The following TAF1C variants were observed in gnomAD, a reference collection of about 807,000 sequenced individuals.
TAF1C encodes the protein TATA box-binding protein-associated factor RNA polymerase I subunit C.
Under a neutral mutation model 70.5 loss-of-function variants are expected in TAF1C, and 79 were observed. That is an observed-to-expected ratio of 1.12 (90% confidence interval 0.93 to 1.35). The LOEUF (loss-of-function observed/expected upper bound fraction) is 1.35, where lower values mean the gene tolerates loss of function less well. TAF1C is among the 40% of genes most tolerant of loss of function. TAF1C has a pLI of 0.00. For synonymous variants in TAF1C, 614 were observed against 491.1 expected, an observed-to-expected ratio of 1.25 and a Z score of -3.31; for missense variants, 1,412 against 1,127.8, an observed-to-expected ratio of 1.25 and a Z score of -3.61.
In TAF1C at chr16:84,182,226, C is replaced by A. The variant is rs751788738; in HGVS notation, c.697G>T (p.Ala233Ser). The A allele has an allele frequency of 1.2e-6, 2 of 1,612,232 alleles. No homozygotes were observed. Among genetic ancestry groups the A allele is most frequent in the East Asian group, 2.2e-5 (1 of 44,850 alleles). Residue 233 changes from alanine to serine, a missense_variant, in exon 7 of 15, where the codon GCT becomes TCT. Ala to Ser is a moderately conservative substitution (Grantham distance 99, BLOSUM62 1). Transcript: ENST00000566732. The surrounding 1 kb of genome is among the most constrained non-coding windows in gnomAD (Gnocchi z 5.0). ...CGCAGCCTGTCCTGGGCGCCTCCAGCAGGGTAGACCAGCTGCCCGAACTGG... is the reference window on the plus strand; with the variant it reads ...CGCAGCCTGTCCTGGGCGCCTCCAGAAGGGTAGACCAGCTGCCCGAACTGG... ...TPQFGQLVYP[A>S]GGAQDRLHFQ...
Position 84,179,308 on chromosome 16 carries a change from C to T in TAF1C, c.2165G>A (p.Arg722Lys). Residue 722 changes from arginine to lysine, a missense_variant, in exon 15 of 15, where the codon AGG (arginine) becomes AAG (lysine). Arg to Lys is a conservative substitution (Grantham distance 26). Transcript: ENST00000566732. The stretch of plus-strand genomic sequence containing the variant: ...CAGCTGGGTCCGGCGCTTGGGCCGC[C>T]TGGTCTGTCTCCCGGGCTCCGAGGT... ...GRTSEPGRQT[R>K]RPKRRTQLSS... 1.9e-6 allele frequency: 3 copies of T among 1,598,602 alleles called. No homozygotes were observed. Among genetic ancestry groups the T allele is most frequent in the Non-Finnish European group, 1.7e-6 (2 of 1,178,174 alleles).
chr16:84,180,153 C>A lies in TAF1C; in HGVS notation c.1483+17G>T. ...CCCCATCTCCCACACGCCGCCCACC[C>A]TGGCCTGGACCCTCACCTGCCAGGT... On this transcript the variant is annotated intron_variant, in intron 13 of 14. Coordinates refer to ENST00000566732, the MANE Select transcript of TAF1C (RefSeq NM_001243156.2). 1 of 1,558,358 alleles carries A rather than the reference C, an allele frequency of 6.4e-7. No homozygotes were observed. The highest frequency in any genetic ancestry group is 8.6e-7 in the Non-Finnish European group (1 of 1,159,526).
chr16:84,181,933 G>A lies in TAF1C; in HGVS notation c.838+9C>T. Reference sequence around the variant, plus strand: ...CAGTGAGGGAGGAAAGTGTATATAAGGGCCTTACTTTCTCCCTGGACGGTG... The same window carrying A: ...CAGTGAGGGAGGAAAGTGTATATAAAGGCCTTACTTTCTCCCTGGACGGTG... On this transcript the variant is annotated intron_variant, in intron 8 of 14. Coordinates refer to ENST00000566732, the MANE Select transcript of TAF1C (RefSeq NM_001243156.2). The A allele has an allele frequency of 6.2e-7, 1 of 1,614,096 alleles. No homozygotes were observed. Among genetic ancestry groups the A allele is most frequent in the African/African-American group, 1.3e-5 (1 of 75,052 alleles).
Position 84,178,368 on chromosome 16 carries a change from G to T in TAF1C, c.*573C>A, listed in dbSNP as rs907233419. The T allele has an allele frequency of 2.2e-5, 10 of 456,862 alleles. No individual in the cohort carries two copies. The highest frequency in any genetic ancestry group is 2.0e-4 in the African/African-American group (10 of 50,090). 28.3% of individuals were successfully genotyped at this position (456,862 alleles called of 1,614,324 possible). ...GGACGCTGTCCAGCCTAAAAAACGT[G>T]ACCATTCCAATTCATCTTCAGCTGC... On this transcript the variant is annotated 3_prime_UTR_variant, in exon 15 of 15. Transcript: ENST00000566732.
rs148530836 is a variant in TAF1C, at chr16:84,183,303, C to T, written c.349G>A (p.Val117Ile). The change falls in exon 5 of 15, where the codon GTA becomes ATA. Residue 117 changes from valine to isoleucine, a missense_variant. Coordinates refer to ENST00000566732, the MANE Select transcript of TAF1C (RefSeq NM_001243156.2). Reference protein sequence around the residue: ...ISRFLLDHGDVAFAPLGKLML... With the variant: ...ISRFLLDHGDIAFAPLGKLML... ...AGCTTCCCCAGGGGCGCAAAGGCTA[C>T]GTCTCCATGATCCAAGAGGAACCGG... 6.2e-6 allele frequency: 10 copies of T among 1,613,990 alleles called. No homozygotes were observed. The highest frequency in any genetic ancestry group is 1.6e-4 in the Middle Eastern group (1 of 6,062).
In TAF1C at chr16:84,181,661, G is replaced by C; in HGVS notation, c.959C>G (p.Pro320Arg). 6.2e-7 allele frequency: 1 copy of C among 1,613,940 alleles called. No individual in the cohort carries two copies. The highest frequency in any genetic ancestry group is 8.5e-7 in the Non-Finnish European group (1 of 1,180,008). The change falls in exon 10 of 15, where the codon CCT (proline) becomes CGT (arginine). Residue 320 changes from proline to arginine, a missense_variant and splice_region_variant. Coordinates refer to ENST00000566732, the MANE Select transcript of TAF1C (RefSeq NM_001243156.2). The part of the protein sequence containing the change: ...EKGATGISLS[P>R]HLPGELAICS... The stretch of plus-strand genomic sequence containing the variant: ...GATGGCCAGCTCCCCGGGCAGGTGA[G>C]GGCTACAGGGCAGGAATGCATTCAC...
rs368065785 is a variant in TAF1C, at chr16:84,181,069, G to T, written c.1282C>A (p.Pro428Thr). ...TGGGTACAGACGAGATGAAGAGTAG[G>T]GGGGAGGCATTTGGGGCTGGAGTGC... is the stretch of plus-strand genomic sequence containing the variant. ...LGHSSPKCLP[P>T]TLHLVCTQFS... is the part of the protein sequence containing the mutation. Residue 428 changes from proline (P) to threonine (T), a missense_variant, in exon 12 of 15, where the codon CCT becomes ACT. Physicochemically the swap from Pro to Thr is conservative, Grantham distance 38. Coordinates refer to ENST00000566732, the MANE Select transcript of TAF1C (RefSeq NM_001243156.2). The T allele has an allele frequency of 1.5e-5, 24 of 1,611,680 alleles. No individual in the cohort carries two copies. Among genetic ancestry groups the T allele is most frequent in the African/African-American group, 5.3e-5 (4 of 74,874 alleles).
rs1365515195 is a variant in TAF1C, at chr16:84,178,855, T to TC, written c.*85dup. Reference sequence around the variant, plus strand: ...TCCAGAAGGTGGCGAGCTCTGCTTCTCAAGTTTCAACTGTGGAAGGCACAT... The same window carrying TC: ...TCCAGAAGGTGGCGAGCTCTGCTTCTCCAAGTTTCAACTGTGGAAGGCACAT... On this transcript the variant is annotated 3_prime_UTR_variant, in exon 15 of 15. Transcript: ENST00000566732. 4 of 1,436,618 alleles carry TC rather than the reference T, an allele frequency of 2.8e-6. No individual in the cohort carries two copies. The African/African-American group carries it at 5.7e-5, about 20-fold the overall frequency. 89.0% of individuals were successfully genotyped at this position (1,436,618 alleles called of 1,614,324 possible).
chr16:84,186,667 G>GC (rs1461706766), intron 1 of TAF1C, among the ~76,000 whole-genome samples: 7 of 152,378 alleles, frequency 4.6e-5, no homozygotes, highest in African/African-American at 1.7e-4. Flanking sequence ...CTCAGACAAG[G>GC]CAGCCTCGAC....
chr16:84,184,836 T>C lies in TAF1C; in HGVS notation c.138+15A>G. On this transcript the variant is annotated intron_variant, in intron 2 of 14. Coordinates refer to ENST00000566732, the MANE Select transcript of TAF1C (RefSeq NM_001243156.2). ...TGTCCCTGGAGCTGCCAGGGCCCCC[T>C]GCCTGCATCCTCACCTCTGAGTTCT... is the stretch of plus-strand genomic sequence containing the variant. 1.9e-6 allele frequency: 3 copies of C among 1,590,684 alleles called. No homozygotes were observed. The highest frequency in any genetic ancestry group is 2.6e-6 in the Non-Finnish European group (3 of 1,168,688).
In TAF1C at chr16:84,179,320, C is replaced by A; in HGVS notation, c.2153G>T (p.Gly718Val). The change falls in exon 15 of 15, where the codon GGG (glycine) becomes GTG (valine). Residue 718 changes from glycine to valine, a missense_variant. Transcript: ENST00000566732. ...ERQQGRTSEP[G>V]RQTRRPKRRT... ...GCGCTTGGGCCGCCTGGTCTGTCTCCCGGGCTCCGAGGTCCTGCCCTGCTG... is the reference window on the plus strand; with the variant it reads ...GCGCTTGGGCCGCCTGGTCTGTCTCACGGGCTCCGAGGTCCTGCCCTGCTG... 6.2e-7 allele frequency: 1 copy of A among 1,600,230 alleles called. No homozygotes were observed.
rs764711802 is a variant in TAF1C, at chr16:84,180,244, G to C, written c.1409C>G (p.Pro470Arg). Reference sequence around the variant, plus strand: ...GGGCTGCACGCAGCTGGGCCGGGGCGGAGGCAGCAGTCGGGCCAGCAGGAG... The same window carrying C: ...GGGCTGCACGCAGCTGGGCCGGGGCCGAGGCAGCAGTCGGGCCAGCAGGAG... ...SPLLLARLLP[P>R]PRPSCVQPLL... is the part of the protein sequence containing the mutation. The change falls in exon 13 of 15, where the codon CCG (proline) becomes CGG (arginine). Residue 470 changes from proline (P) to arginine (R), a missense_variant. Physicochemically the swap from Pro to Arg is moderately radical, Grantham distance 103. Coordinates refer to ENST00000566732, the MANE Select transcript of TAF1C (RefSeq NM_001243156.2). 1.3e-6 allele frequency: 2 copies of C among 1,541,396 alleles called. No individual in the cohort carries two copies. Among genetic ancestry groups the C allele is most frequent in the Middle Eastern group, 1.7e-4 (1 of 5,876 alleles).
At position 84,181,610 on chromosome 16, in the gene TAF1C, A is replaced by T. The variant is rs2089199867; in HGVS notation, c.1010T>A (p.Leu337Gln). The T allele has an allele frequency of 6.2e-7, 1 of 1,613,758 alleles. No homozygotes were observed. Among genetic ancestry groups the T allele is most frequent in the Non-Finnish European group, 8.5e-7 (1 of 1,179,974 alleles). The change falls in exon 10 of 15, where the codon CTG (leucine) becomes CAG (glutamine). Residue 337 changes from leucine to glutamine, a missense_variant. Physicochemically the swap from Leu to Gln is moderately radical, Grantham distance 113. Coordinates refer to ENST00000566732, the MANE Select transcript of TAF1C (RefSeq NM_001243156.2). ...AICSRSGAVC[L>Q]WSPEDGLRQI... is the part of the protein sequence containing the mutation. Reference sequence around the variant, plus strand: ...GCGATACCCATCCTCAGGGCTCCACAGGCAGACGGCTCCCGAGCGGCTGCA... The same window carrying T: ...GCGATACCCATCCTCAGGGCTCCACTGGCAGACGGCTCCCGAGCGGCTGCA...
At chr16:84,184,247 A>G (rs1415191497) in intron 2 of TAF1C, among the ~76,000 whole-genome samples, 1 of 152,084 alleles carries the variant, frequency 6.6e-6, no homozygotes, top group Admixed American at 6.5e-5. Context: ...GAGGAGCCCC[A>G]ATTTGACGCC....
intron 2 of TAF1C, among the ~76,000 whole-genome samples, chr16:84,184,079 T>C (rs2089350839): frequency 6.6e-6 from 1 of 152,202 alleles, no homozygotes. Context: ...ATGCCACCAG[T>C]GGCTGGTCCA....
chr16:84,180,594 G>T (rs556064726), intron 12 of TAF1C: 1 of 581,254 alleles, frequency 1.7e-6, no homozygotes, highest in Non-Finnish European at 2.9e-6. Context: ...GAAGAGGTGT[G>T]GGGGAGCCTT....
rs1288480700 is a variant in TAF1C, at chr16:84,179,288, G to A, written c.2185C>T (p.Gln729Ter). ...CTGAGCGAAAAGCTGCTGGACAGCT[G>A]GGTCCGGCGCTTGGGCCGCCTGGTC... Reference protein sequence around the residue: ...RQTRRPKRRTQLSSSFSLSGH... With the variant: ...RQTRRPKRRT The change falls in exon 15 of 15, where the codon CAG becomes TAG. Residue 729 changes from glutamine (Q) to a stop codon, truncating the protein, a stop_gained. Coordinates refer to ENST00000566732, the MANE Select transcript of TAF1C (RefSeq NM_001243156.2). LOFTEE classifies it low-confidence loss of function (END_TRUNC). The A allele has an allele frequency of 6.3e-7, 1 of 1,592,666 alleles. No homozygotes were observed. Among genetic ancestry groups the A allele is most frequent in the Non-Finnish European group, 8.5e-7 (1 of 1,175,518 alleles).
In TAF1C at chr16:84,178,570, C is replaced by T; in HGVS notation, c.*371G>A. The T allele has an allele frequency of 4.6e-6, 2 of 430,920 alleles. No homozygotes were observed. Among genetic ancestry groups the T allele is most frequent in the Non-Finnish European group, 9.1e-6 (2 of 219,482 alleles). The allele number at this position is 430,920 out of a possible 1,614,324, so 26.7% of individuals were successfully genotyped here. A position where few individuals can be genotyped will look rare whatever the true frequency, so the allele number is the denominator to read the frequency against. On this transcript the variant is annotated 3_prime_UTR_variant, in exon 15 of 15. Coordinates refer to ENST00000566732, the MANE Select transcript of TAF1C (RefSeq NM_001243156.2). ...CCTCACCAAACACGAGGAGCCAGCA[C>T]TCCTGGCCCCCATTCCACTGGACAG... is the stretch of plus-strand genomic sequence containing the variant.
rs140968830 is a variant in TAF1C at position 84,183,284 on chromosome 16, C to A, written c.368G>T (p.Gly123Val). 3 of 1,613,890 alleles carry A rather than the reference C, an allele frequency of 1.9e-6. No individual in the cohort carries two copies. The African/African-American group carries it at 4.0e-5, about 22-fold the overall frequency. ...DHGDVAFAPL[G>V]KLMLENFKLE... ...CTTGAAATTCTCCAGCATCAGCTTC[C>A]CCAGGGGCGCAAAGGCTACGTCTCC... The change falls in exon 5 of 15, where the codon GGG becomes GTG. Residue 123 changes from glycine (G) to valine (V), a missense_variant. By Grantham distance (109) the Gly-to-Val change is moderately radical (BLOSUM62 -3). Coordinates refer to ENST00000566732, the MANE Select transcript of TAF1C (RefSeq NM_001243156.2).
Sources: allele counts gnomAD v4.1 joint callset (sites outside exome capture counted in the v4.1 genomes callset), GRCh38; gene constraint gnomAD v4.1.1; non-coding constraint Gnocchi (gnomAD v3.1); transcripts MANE v1.5; gene names NCBI Gene and HGNC (gene_info 2026-07-23, HGNC 2026-07-21).